CCSER1: variants seen among roughly 807,000 people sequenced by gnomAD.
CCSER1 encodes serine-rich coiled-coil domain-containing protein 1.
CCSER1 carries 41 observed loss-of-function variants against 82.0 expected under a neutral mutation model. The observed-to-expected ratio is 0.50, with a 90% CI of 0.39 to 0.65. CCSER1 has a LOEUF of 0.65. Ranked by LOEUF, CCSER1 falls within the 30% of genes least tolerant of loss-of-function variation. CCSER1 has a pLI of 0.00. For missense variants in CCSER1, 1,119 were observed against 1,064.2 expected, an observed-to-expected ratio of 1.05 and a Z score of -0.72; for synonymous variants, 414 against 383.9, an observed-to-expected ratio of 1.08 and a Z score of -0.92.
chr4:90,945,588 C>A (rs1732140759), intron 9 of CCSER1, among the ~76,000 whole-genome samples: 1 of 152,138 alleles, frequency 6.6e-6, no homozygotes, highest in African/African-American at 2.4e-5. Flanking sequence ...ATATTTGCAG[C>A]CTGATTTCTC....
chr4:90,547,945 A>T (rs1029632145), intron 5 of CCSER1, among the ~76,000 whole-genome samples: 5 of 152,176 alleles, frequency 3.3e-5, no homozygotes, highest in African/African-American at 1.2e-4. Flanking sequence ...TATTTGCTAA[A>T]CAAATCTCCA....
At chr4:91,517,430 TC>T (rs1162248956) in intron 10 of CCSER1, among the ~76,000 whole-genome samples, 2 of 152,230 alleles carry the variant, frequency 1.3e-5, no homozygotes, top group Admixed American at 6.5e-5. Context: ...GAAAACTTTT[TC>T]TGCATCTATT....
chr4:90,951,500 G>T (rs969353863), intron 9 of CCSER1, among the ~76,000 whole-genome samples: 24 of 152,032 alleles, frequency 1.6e-4, no homozygotes, highest in African/African-American at 5.1e-4. Context: ...AAAGAATACT[G>T]CAAGGGGAGA....
At chr4:91,024,174 C>T (rs1110741) in intron 9 of CCSER1, among the ~76,000 whole-genome samples, 54,320 of 151,904 alleles carry the variant, frequency 0.36, 10,952 homozygotes, top group East Asian at 0.58. Flanking sequence ...TCTTAAACCC[C>T]CCACCTCTCA....
At chr4:90,885,662 TA>T (rs1236888205) in intron 8 of CCSER1, among the ~76,000 whole-genome samples, 3 of 152,134 alleles carry the variant, frequency 2.0e-5, no homozygotes, top group African/African-American at 7.2e-5. Context: ...ATGACAATGA[TA>T]GGAGATGGCA....
At chr4:91,326,970 C>T (rs1204122137) in intron 10 of CCSER1, among the ~76,000 whole-genome samples, 1 of 152,186 alleles carries the variant, frequency 6.6e-6, no homozygotes, top group Non-Finnish European at 1.5e-5. Flanking sequence ...GCAGCTCTGC[C>T]TCTGTGGCTC....
intron 3 of CCSER1, among the ~76,000 whole-genome samples, chr4:90,350,328 A>C (rs1405341091): frequency 6.6e-6 from 1 of 152,138 alleles, no homozygotes; most frequent in East Asian, 1.9e-4. Flanking sequence ...GAATCCTGGC[A>C]ATGCTCAGGG....
At chr4:91,039,096 A>G (rs540615373) in intron 9 of CCSER1, among the ~76,000 whole-genome samples, 2 of 152,238 alleles carry the variant, frequency 1.3e-5, no homozygotes, top group African/African-American at 2.4e-5. Context: ...TGGCACAATC[A>G]TAGCTCACTG....
At chr4:91,455,371 G>T (rs1756101673) in intron 10 of CCSER1, among the ~76,000 whole-genome samples, 1 of 151,980 alleles carries the variant, frequency 6.6e-6, no homozygotes, top group South Asian at 2.1e-4. Flanking sequence ...TTAACAGGTG[G>T]GGTCTTTTGG....
At chr4:90,449,093 C>A (rs940173535) in intron 4 of CCSER1, among the ~76,000 whole-genome samples, 7 of 152,190 alleles carry the variant, frequency 4.6e-5, no homozygotes, top group African/African-American at 1.7e-4. Flanking sequence ...TAGCTCCTCT[C>A]CACAGGCAGG....
At chr4:90,373,652 G>A (rs1747828222) in intron 3 of CCSER1, among the ~76,000 whole-genome samples, 1 of 152,160 alleles carries the variant, frequency 6.6e-6, no homozygotes, top group Non-Finnish European at 1.5e-5. Context: ...TACAACTGAT[G>A]CATAATTTTG....
chr4:90,670,002 G>A (rs1263223113), intron 6 of CCSER1, among the ~76,000 whole-genome samples: 1 of 152,010 alleles, frequency 6.6e-6, no homozygotes, highest in Non-Finnish European at 1.5e-5. Flanking sequence ...CAGTAATAGG[G>A]CTATGAGAAA....
At chr4:90,739,247 T>A (rs992615918) in intron 7 of CCSER1, among the ~76,000 whole-genome samples, 21 of 152,200 alleles carry the variant, frequency 1.4e-4, no homozygotes, top group Admixed American at 1.2e-3. Flanking sequence ...CCATGGTATA[T>A]CTGGAGTTGT....
At chr4:90,183,796 T>C (rs1734126006) in intron 1 of CCSER1, among the ~76,000 whole-genome samples, 1 of 152,154 alleles carries the variant, frequency 6.6e-6, no homozygotes, top group Admixed American at 6.6e-5. Flanking sequence ...GCAGAAAATA[T>C]ATTTGAAGGA....
chr4:91,053,502 T>G (rs1057013864), intron 9 of CCSER1, among the ~76,000 whole-genome samples: 2 of 152,184 alleles, frequency 1.3e-5, no homozygotes, highest in African/African-American at 4.8e-5. Context: ...CCCACAGATT[T>G]GGTTCATTTA....
At chr4:91,538,080 A>G (rs968608260) in intron 10 of CCSER1, among the ~76,000 whole-genome samples, 2 of 152,078 alleles carry the variant, frequency 1.3e-5, no homozygotes, top group African/African-American at 2.4e-5. Context: ...ATTAATTCAT[A>G]CAACCACTAT....
At chr4:91,396,800 CA>C (rs1341510959) in intron 10 of CCSER1, among the ~76,000 whole-genome samples, 2 of 151,866 alleles carry the variant, frequency 1.3e-5, no homozygotes, top group Non-Finnish European at 2.9e-5. Flanking sequence ...ACTCATAAAT[CA>C]AAAAATTTTA....
At chr4:90,384,982 G>A (rs1439671469) in intron 3 of CCSER1, among the ~76,000 whole-genome samples, 2 of 152,098 alleles carry the variant, frequency 1.3e-5, no homozygotes, top group African/African-American at 4.8e-5. Context: ...AGAATATGCT[G>A]TATTTGGTTT....
At chr4:90,188,665 T>C (rs1735070098) in intron 1 of CCSER1, among the ~76,000 whole-genome samples, 1 of 151,916 alleles carries the variant, frequency 6.6e-6, no homozygotes, top group Admixed American at 6.6e-5. Flanking sequence ...TATCTTATCC[T>C]GAGAAATGCC....
Sources: gnomAD v4.1 joint callset for allele counts (sites outside exome capture counted in the v4.1 genomes callset) on GRCh38, gnomAD v4.1.1 for gene constraint, MANE v1.5 for transcripts, NCBI Gene and HGNC (gene_info 2026-07-23, HGNC 2026-07-21) for gene names.